Variants in TRPC3 observed in about 807,000 individuals in gnomAD.
The protein encoded by TRPC3 is transient receptor potential cation channel subfamily C member 3.
TRPC3 carries 54 observed loss-of-function variants against 90.9 expected under a neutral mutation model. The ratio of observed to expected loss-of-function variants is 0.59; its 90% CI spans 0.48 to 0.75. The LOEUF is 0.75. Ranked by LOEUF, TRPC3 falls within the 30% of genes least tolerant of loss-of-function variation. TRPC3 has a pLI of 0.00. For synonymous variants in TRPC3, 424 were observed against 450.9 expected, an observed-to-expected ratio of 0.94 and a Z score of 0.75; for missense variants, 918 against 1,194.5, an observed-to-expected ratio of 0.77 and a Z score of 3.41.
intron 8 of TRPC3, 29 bp downstream of exon 8, chr4:121,904,293 T>G: frequency 6.3e-7 from 1 of 1,577,800 alleles, no homozygotes; most frequent in African/African-American, 1.4e-5. Flanking sequence ...ATGACAAGGA[T>G]AGATACTATG....
intron 1 of TRPC3, 22 bp from the exon 2 acceptor site, chr4:121,933,064 A>C: frequency 6.5e-7 from 1 of 1,533,974 alleles, no homozygotes; most frequent in Non-Finnish European, 8.8e-7. Flanking sequence ...CAACGATAAA[A>C]CAACTGTAGA....
intron 1 of TRPC3, among the ~76,000 whole-genome samples, chr4:121,942,981 C>T (rs1182445697): frequency 6.6e-6 from 1 of 152,144 alleles, no homozygotes; most frequent in East Asian, 1.9e-4. Context: ...TCCATTAAAC[C>T]AACTACTGTA....
chr4:121,914,780 C>T lies in TRPC3; in HGVS notation c.1341G>A (p.Arg447=), dbSNP rs1380279180. 6 of 1,600,382 alleles carry T rather than the reference C, an allele frequency of 3.7e-6. No individual in the cohort carries two copies. The highest frequency in any genetic ancestry group is 1.7e-5 in the Admixed American group (1 of 59,458). ...GGAAATAGATGTAGAAAGCAAGTAC[C>T]CTGCTGCAAGGTGCGATCCAGTAGC... The part of the protein sequence containing the change: ...AIGYWIAPCS[R]LGKILRSPFM... Residue 447 remains arginine, a splice_region_variant and synonymous_variant, in exon 4 of 12, where the codon AGG becomes AGA. Transcript: ENST00000379645.
intron 1 of TRPC3, among the ~76,000 whole-genome samples, chr4:121,949,235 A>G (rs1365787845): frequency 6.6e-6 from 1 of 152,230 alleles, no homozygotes; most frequent in Non-Finnish European, 1.5e-5. Flanking sequence ...GGTTCAATCA[A>G]GAGTTCTATC....
At position 121,934,833 on chromosome 4, in the gene TRPC3, C is replaced by T. The variant is rs542141611; in HGVS notation, c.216-1791G>A. On this transcript the variant is annotated intron_variant, in intron 1 of 11. Transcript: ENST00000379645. Reference sequence around the variant, plus strand: ...AGATAGGGACTAAGGCAAATGTGGCCGGGCAAGCCTGACTCTATAGAGGTA... The same window carrying T: ...AGATAGGGACTAAGGCAAATGTGGCTGGGCAAGCCTGACTCTATAGAGGTA... Among the ~76,000 whole-genome samples the T allele has an allele frequency of 2.8e-4, 43 of 152,240 alleles. 2 individuals are homozygous for T. The South Asian group carries it at 8.5e-3, about 30-fold the overall frequency.
chr4:121,926,023 A>G (rs955594157), intron 2 of TRPC3, among the ~76,000 whole-genome samples: 2 of 152,370 alleles, frequency 1.3e-5, no homozygotes. Context: ...TATATGTGAT[A>G]TGAAAGTTGT....
At chr4:121,948,840 G>GTTT (rs10626464) in intron 1 of TRPC3, among the ~76,000 whole-genome samples, 1,594 of 147,954 alleles carry the variant, frequency 0.011, 9 homozygotes, top group African/African-American at 0.026. Context: ...ACTCTTTGCG[G>GTTT]TTTTTTTTTT....
chr4:121,911,821 T>C lies in TRPC3; in HGVS notation c.1558+56A>G, dbSNP rs149828909. On this transcript the variant is annotated intron_variant, in intron 5 of 11. Coordinates refer to ENST00000379645, the MANE Select transcript of TRPC3 (RefSeq NM_001130698.2). Reference sequence around the variant, plus strand: ...ATTTTTTTTCAATAGAAAATGACAATTATTTCTATAATTACCTTTTGGTAG... The same window carrying C: ...ATTTTTTTTCAATAGAAAATGACAACTATTTCTATAATTACCTTTTGGTAG... The C allele has an allele frequency of 5.1e-3, 7,589 of 1,490,816 alleles. 25 individuals carry two copies. Among genetic ancestry groups the C allele is most frequent in the Non-Finnish European group, 6.3e-3 (6,843 of 1,092,540 alleles). The allele number at this position is 1,490,816 out of a possible 1,614,324, so 92.3% of individuals were successfully genotyped here.
At chr4:121,931,667 G>A (rs982285812) in intron 2 of TRPC3, among the ~76,000 whole-genome samples, 1 of 152,150 alleles carries the variant, frequency 6.6e-6, no homozygotes, top group African/African-American at 2.4e-5. Flanking sequence ...TCAGGGAGAG[G>A]CATTTTGTCA....
rs935336588 is a variant in TRPC3, at chr4:121,901,933, A to T, written c.2463+919T>A. ...GCCCATATCCAGGTCAAACAAAAAA[A>T]GATTTAAAAGGTCACTTTCTTAAAG... On this transcript the variant is annotated intron_variant, in intron 9 of 11. Coordinates refer to ENST00000379645, the MANE Select transcript of TRPC3 (RefSeq NM_001130698.2). 2.6e-5 allele frequency among the ~76,000 whole-genome samples: 4 copies of T among 152,230 alleles called. No homozygotes were observed. The East Asian group carries it at 5.8e-4, about 22-fold the overall frequency.
At chr4:121,948,871 GTTGT>G (rs904297738) in intron 1 of TRPC3, among the ~76,000 whole-genome samples, 1 of 77,880 alleles carries the variant, frequency 1.3e-5, no homozygotes, top group Non-Finnish European at 2.8e-5. Flanking sequence ...TTTTGTTGTT[GTTGT>G]TTTTTTTTAA....
At chr4:121,882,249 A>C in intron 11 of TRPC3, 105 bp downstream of exon 11, 1 of 991,226 alleles carries the variant, frequency 1.0e-6, no homozygotes, top group African/African-American at 1.7e-5. Context: ...AGAGGCATCC[A>C]AACTATAACC....
chr4:121,933,757 C>A (rs1730036692), intron 1 of TRPC3, among the ~76,000 whole-genome samples: 1 of 152,158 alleles, frequency 6.6e-6, no homozygotes, highest in Non-Finnish European at 1.5e-5. Context: ...ACTACAGGCA[C>A]ATGCCACTTG....
intron 1 of TRPC3, among the ~76,000 whole-genome samples, chr4:121,939,632 G>A (rs1485900332): frequency 1.3e-5 from 2 of 152,250 alleles, no homozygotes; most frequent in African/African-American, 2.4e-5. Context: ...CTGTGGTGTG[G>A]ACACTGCTAT....
chr4:121,948,263 G>A (rs986826156), intron 1 of TRPC3, among the ~76,000 whole-genome samples: 4 of 151,388 alleles, frequency 2.6e-5, no homozygotes, highest in African/African-American at 7.3e-5. Flanking sequence ...CATCAACCAT[G>A]TTGGTTATCT....
chr4:121,918,355 T>C (rs749782082), intron 3 of TRPC3, among the ~76,000 whole-genome samples: 5 of 152,168 alleles, frequency 3.3e-5, no homozygotes, highest in African/African-American at 4.8e-5. Flanking sequence ...CGTTCTTAGG[T>C]TTTAAACTCT....
rs1392205265 is a variant in TRPC3 at position 121,876,515 on chromosome 4, C to A, written c.*3221G>T. Reference sequence around the variant, plus strand: ...GGCTTCAGTTCTCTTTAGACATTGTCCATCAGACAATTTATCTTCCCATTT... The same window carrying A: ...GGCTTCAGTTCTCTTTAGACATTGTACATCAGACAATTTATCTTCCCATTT... On this transcript the variant is annotated 3_prime_UTR_variant, in exon 12 of 12. Transcript: ENST00000379645. 3.3e-5 allele frequency among the ~76,000 whole-genome samples: 5 copies of A among 152,152 alleles called. No individual in the cohort carries two copies. Among genetic ancestry groups the A allele is most frequent in the Admixed American group, 6.5e-5 (1 of 15,274 alleles).
chr4:121,942,054 A>G (rs78449944), intron 1 of TRPC3, among the ~76,000 whole-genome samples: 32 of 152,304 alleles, frequency 2.1e-4, no homozygotes, highest in South Asian at 6.2e-4. Context: ...AACCAGCAAG[A>G]TAAGGTGCTT....
At chr4:121,933,621 A>T (rs1317489777) in intron 1 of TRPC3, among the ~76,000 whole-genome samples, 1 of 151,964 alleles carries the variant, frequency 6.6e-6, no homozygotes, top group Admixed American at 6.6e-5. Context: ...ATTTTTGTTT[A>T]TTTAAATACT....
Sources: gnomAD v4.1 joint callset for allele counts (sites outside exome capture counted in the v4.1 genomes callset) on GRCh38, gnomAD v4.1.1 for gene constraint, MANE v1.5 for transcripts, NCBI Gene and HGNC (gene_info 2026-07-23, HGNC 2026-07-21) for gene names.